DDR2: variants seen among roughly 807,000 people sequenced by gnomAD.
The protein encoded by DDR2 is discoidin domain-containing receptor 2.
In DDR2, 27 loss-of-function variants were observed where a neutral mutation model predicts 94.9. The observed-to-expected ratio is 0.28, with a 90% CI of 0.21 to 0.39. DDR2 has a LOEUF of 0.39. Among genes scored for constraint, DDR2 ranks in the 10% least tolerant of loss-of-function variants. The pLI, the probability that DDR2 is intolerant of heterozygous loss-of-function variation, is 1.00. For missense variants in DDR2, 783 were observed against 1,076.0 expected (o/e 0.73, Z 3.81); for synonymous variants, 382 against 377.2 (o/e 1.01, Z -0.15).
At chr1:162,688,220 C>T (rs1659785472) in intron 2 of DDR2, among the ~76,000 whole-genome samples, 1 of 152,192 alleles carries the variant, frequency 6.6e-6, no homozygotes, top group Non-Finnish European at 1.5e-5. Flanking sequence ...GACACAACTT[C>T]ATGTTTGGTT....
intron 2 of DDR2, among the ~76,000 whole-genome samples, chr1:162,663,262 T>C (rs550105951): frequency 2.0e-4 from 31 of 152,208 alleles, no homozygotes; most frequent in African/African-American, 7.5e-4. Flanking sequence ...CATCTGGCAG[T>C]CAAATATGCA....
At chr1:162,713,259 TC>T (rs1233488070) in intron 2 of DDR2, among the ~76,000 whole-genome samples, 14 of 151,994 alleles carry the variant, frequency 9.2e-5, no homozygotes, top group Non-Finnish European at 1.8e-4. Context: ...TAGGACGTGT[TC>T]CCCCCACACC....
intron 2 of DDR2, among the ~76,000 whole-genome samples, chr1:162,699,156 G>A (rs992118766): frequency 2.6e-5 from 4 of 152,194 alleles, no homozygotes; most frequent in Admixed American, 6.5e-5. Flanking sequence ...TGTGGGGAGA[G>A]GGCAAGGAGA....
At chr1:162,755,125 C>A (rs1663395927) in intron 5 of DDR2, 31 bp from the exon 6 acceptor site, 5 of 1,613,830 alleles carry the variant, frequency 3.1e-6, no homozygotes, top group Non-Finnish European at 4.2e-6. Context: ...TTTAATACCA[C>A]CTCTTCACTC....
chr1:162,644,209 C>A (rs1657295174), intron 1 of DDR2, among the ~76,000 whole-genome samples: 2 of 152,058 alleles, frequency 1.3e-5, no homozygotes, highest in Non-Finnish European at 2.9e-5. Context: ...TACTTTTTAG[C>A]ATTTTTAAAA....
At position 162,751,349 on chromosome 1, in the gene DDR2, A is replaced by C. The variant is rs139122545; in HGVS notation, c.83-1746A>C. On this transcript the variant is annotated intron_variant, in intron 3 of 17. Coordinates refer to ENST00000367921, the MANE Select transcript of DDR2 (RefSeq NM_006182.4). ...AAAATGGGCAAAGAATATGAATAGA[A>C]ATGTCTCAAAAGAAGATATTTATGC... Among the ~76,000 whole-genome samples the C allele has an allele frequency of 9.5e-3, 1,441 of 152,234 alleles. 19 individuals carry two copies. Among genetic ancestry groups the C allele is most frequent in the African/African-American group, 0.033 (1,376 of 41,534 alleles).
chr1:162,668,165 A>T (rs1369977227), intron 2 of DDR2, among the ~76,000 whole-genome samples: 4 of 152,204 alleles, frequency 2.6e-5, no homozygotes, highest in Admixed American at 1.3e-4. Context: ...AAAAAAATCA[A>T]GTTGGCAAAT....
At chr1:162,750,314 T>C (rs1663120751) in intron 3 of DDR2, among the ~76,000 whole-genome samples, 1 of 152,178 alleles carries the variant, frequency 6.6e-6, no homozygotes, top group South Asian at 2.1e-4. Flanking sequence ...ACAAAATCAA[T>C]GTGCAAAAAA....
chr1:162,703,177 C>T (rs940866524), intron 2 of DDR2, among the ~76,000 whole-genome samples: 2 of 152,184 alleles, frequency 1.3e-5, no homozygotes, highest in South Asian at 2.1e-4. Context: ...CTATGTGCCA[C>T]GATGCCTATA....
chr1:162,632,913 A>G (rs1048478395), intron 1 of DDR2, among the ~76,000 whole-genome samples: 8 of 152,214 alleles, frequency 5.3e-5, no homozygotes, highest in Non-Finnish European at 1.0e-4. Flanking sequence ...GCAAGATACA[A>G]TAAACAGTGT....
chr1:162,729,423 G>A lies in DDR2; in HGVS notation c.82+10278G>A, dbSNP rs971012250. Reference sequence around the variant, plus strand: ...GATAACCCTCACAGAATTTTTCAGTGGTTTGGACACATACACAGTAAAGTA... The same window carrying A: ...GATAACCCTCACAGAATTTTTCAGTAGTTTGGACACATACACAGTAAAGTA... On this transcript the variant is annotated intron_variant, in intron 3 of 17. Coordinates refer to ENST00000367921, the MANE Select transcript of DDR2 (RefSeq NM_006182.4). 2.8e-3 allele frequency among the ~76,000 whole-genome samples: 415 copies of A among 148,892 alleles called. 2 individuals are homozygous for A. The highest frequency in any genetic ancestry group is 6.8e-3 in the African/African-American group (274 of 40,384).
At chr1:162,777,577 A>G (rs1358271613) in intron 16 of DDR2, among the ~76,000 whole-genome samples, 1 of 152,186 alleles carries the variant, frequency 6.6e-6, no homozygotes. Context: ...TACTCTCCCT[A>G]AAGGTATTAT....
chr1:162,772,456 T>C (rs2102187240), intron 13 of DDR2: 1 of 587,872 alleles, frequency 1.7e-6, no homozygotes, highest in Non-Finnish European at 3.0e-6. Context: ...GATTTCTATA[T>C]AGGAGTTTTT....
chr1:162,656,852 T>TTTTTTTTTTTTTTTTTTTTC lies in DDR2; in HGVS notation c.-28+1484_-28+1485insTTTTTTTTTTTTTCTTTTTT, dbSNP rs1658004518. Among the ~76,000 whole-genome samples the TTTTTTTTTTTTTTTTTTTTC allele has an allele frequency of 1.5e-5, 2 of 130,240 alleles. 1 individual carries two copies. The highest frequency in any genetic ancestry group is 3.3e-5 in the Non-Finnish European group (2 of 60,116). 85.4% of individuals were successfully genotyped at this position (130,240 alleles called of 152,430 possible). On this transcript the variant is annotated intron_variant, in intron 2 of 17. Coordinates refer to ENST00000367921, the MANE Select transcript of DDR2 (RefSeq NM_006182.4). ...ACTGGAGTTTTTTTTTTTTTTTTAT[T>TTTTTTTTTTTTTTTTTTTTC]TTTTTTGTTAACAGGGTTTTGCTCT...
intron 1 of DDR2, among the ~76,000 whole-genome samples, 198 bp from the exon 2 acceptor site, chr1:162,655,013 T>C (rs1657886561): frequency 6.6e-6 from 1 of 152,202 alleles, no homozygotes; most frequent in African/African-American, 2.4e-5. Flanking sequence ...TTCTCAGTTT[T>C]AATTTCTTAA....
At chr1:162,713,651 C>T (rs147418609) in intron 2 of DDR2, among the ~76,000 whole-genome samples, 377 of 152,316 alleles carry the variant, frequency 2.5e-3, no homozygotes, top group Non-Finnish European at 4.8e-3. Flanking sequence ...TCATAGACTT[C>T]AACCGTTGTA....
At chr1:162,675,736 T>C (rs952152414) in intron 2 of DDR2, among the ~76,000 whole-genome samples, 1 of 152,214 alleles carries the variant, frequency 6.6e-6, no homozygotes, top group Non-Finnish European at 1.5e-5. Context: ...AATGAAGTTT[T>C]ATTTAAGCAG....
At chr1:162,767,110 C>A (rs924978991) in intron 10 of DDR2, 119 bp from the exon 11 acceptor site, 2 of 1,399,858 alleles carry the variant, frequency 1.4e-6, no homozygotes, top group African/African-American at 1.4e-5. Context: ...ATTAAGGTGG[C>A]ATCTTCCATA....
intron 3 of DDR2, among the ~76,000 whole-genome samples, chr1:162,743,203 A>T (rs1433338140): frequency 6.6e-6 from 1 of 151,876 alleles, no homozygotes; most frequent in African/African-American, 2.4e-5. Context: ...GTGAGATAAG[A>T]CTCCAGGAGT....
Sources: allele counts gnomAD v4.1 joint callset (sites outside exome capture counted in the v4.1 genomes callset), GRCh38; gene constraint gnomAD v4.1.1; transcripts MANE v1.5; gene names NCBI Gene and HGNC (gene_info 2026-07-23, HGNC 2026-07-21).